TPD52L1: variants seen among roughly 807,000 people sequenced by gnomAD.
The protein encoded by TPD52L1 is TPD52 like 1, also known as tumor protein D53.
TPD52L1 carries 18 observed loss-of-function variants against 28.7 expected under a neutral mutation model. The observed-to-expected ratio is 0.63, with a 90% CI of 0.43 to 0.93. The LOEUF (loss-of-function observed/expected upper bound fraction) is 0.93, where lower values mean the gene tolerates loss of function less well. Ranked by LOEUF, TPD52L1 falls within the 40% of genes least tolerant of loss-of-function variation. The pLI, the probability that TPD52L1 is intolerant of heterozygous loss-of-function variation, is 0.00. For missense variants in TPD52L1, 203 were observed against 254.8 expected (o/e 0.80, Z 1.39); for synonymous variants, 75 against 88.8 (o/e 0.84, Z 0.88).
intron 6 of TPD52L1, among the ~76,000 whole-genome samples, chr6:125,259,722 G>A (rs1368508239): frequency 1.3e-5 from 2 of 152,192 alleles, no homozygotes; most frequent in Non-Finnish European, 2.9e-5. Flanking sequence ...AAAGAAAAGG[G>A]GGGCAAGTTG....
intron 3 of TPD52L1, among the ~76,000 whole-genome samples, chr6:125,241,747 T>C (rs1257928285): frequency 6.6e-6 from 1 of 152,090 alleles, no homozygotes; most frequent in Admixed American, 6.6e-5. Context: ...GGTCTATCAA[T>C]TTTGTTTATC....
intron 6 of TPD52L1, among the ~76,000 whole-genome samples, 198 bp downstream of exon 6, chr6:125,257,356 C>G (rs913190334): frequency 1.3e-5 from 2 of 152,154 alleles, no homozygotes; most frequent in South Asian, 2.1e-4. Flanking sequence ...TTGTATAAAC[C>G]ATTCAGGGGT....
rs139490208 is a variant in TPD52L1 at position 125,194,543 on chromosome 6, C to T, written c.20-25535C>T. 3.2e-3 allele frequency among the ~76,000 whole-genome samples: 481 copies of T among 152,292 alleles called. 1 individual carries two copies. Among genetic ancestry groups the T allele is most frequent in the Non-Finnish European group, 6.0e-3 (410 of 68,028 alleles). On this transcript the variant is annotated intron_variant, in intron 1 of 6. Transcript: ENST00000534000. Reference sequence around the variant, plus strand: ...TATTTCATACTATCCTTAGGTTCCCCTGGAACCCTGACCCCAGGCAATCAA... The same window carrying T: ...TATTTCATACTATCCTTAGGTTCCCTTGGAACCCTGACCCCAGGCAATCAA...
chr6:125,164,507 G>A (rs890407289), intron 1 of TPD52L1, among the ~76,000 whole-genome samples: 1 of 151,998 alleles, frequency 6.6e-6, no homozygotes, highest in Non-Finnish European at 1.5e-5. Flanking sequence ...GTCATCTCAG[G>A]ACTTTAAAAT....
intron 1 of TPD52L1, among the ~76,000 whole-genome samples, chr6:125,163,382 G>A (rs918170192): frequency 3.4e-4 from 51 of 152,198 alleles, no homozygotes; most frequent in African/African-American, 1.1e-3. Flanking sequence ...AGGAGTTCAA[G>A]ACCAGCCCAG....
intron 1 of TPD52L1, among the ~76,000 whole-genome samples, chr6:125,172,157 T>TTTC (rs1554202455): frequency 0.011 from 611 of 53,526 alleles, 1 homozygote; most frequent in Admixed American, 0.017. Flanking sequence ...TCTTTCTTTC[T>TTTC]TTTCTTTCTT....
chr6:125,207,107 T>C (rs1319918005), intron 1 of TPD52L1, among the ~76,000 whole-genome samples: 3 of 152,152 alleles, frequency 2.0e-5, no homozygotes, highest in Non-Finnish European at 2.9e-5. Flanking sequence ...GATCAAGTCC[T>C]ATCAGAAAGA....
intron 1 of TPD52L1, among the ~76,000 whole-genome samples, chr6:125,160,126 A>G (rs1227597511): frequency 1.3e-5 from 2 of 152,032 alleles, no homozygotes; most frequent in Non-Finnish European, 2.9e-5. Flanking sequence ...TTTCTTTACA[A>G]ATTTCCTAGT....
chr6:125,241,004 A>G (rs1028832272), intron 3 of TPD52L1, among the ~76,000 whole-genome samples: 1 of 152,156 alleles, frequency 6.6e-6, no homozygotes, highest in East Asian at 1.9e-4. Context: ...TGTCCCTTCT[A>G]TGCTGATTAT....
intron 1 of TPD52L1, among the ~76,000 whole-genome samples, chr6:125,200,854 T>C (rs146116418): frequency 3.9e-5 from 6 of 152,344 alleles, no homozygotes; most frequent in African/African-American, 1.4e-4. Flanking sequence ...GTTATTTAAG[T>C]GCATATTGTG....
At chr6:125,155,470 C>T (rs476436) in intron 1 of TPD52L1, among the ~76,000 whole-genome samples, 80,786 of 152,056 alleles carry the variant, frequency 0.53, 22,830 homozygotes, top group African/African-American at 0.72. Flanking sequence ...AGACTGGTAA[C>T]CACTGGTGTC....
chr6:125,165,954 C>T (rs1425842258), intron 1 of TPD52L1, among the ~76,000 whole-genome samples: 1 of 152,152 alleles, frequency 6.6e-6, no homozygotes, highest in African/African-American at 2.4e-5. Flanking sequence ...ATAAATAAGT[C>T]ATAGGATCTG....
chr6:125,174,296 A>G (rs1047715670), intron 1 of TPD52L1, among the ~76,000 whole-genome samples: 3 of 152,122 alleles, frequency 2.0e-5, no homozygotes, highest in Non-Finnish European at 4.4e-5. Context: ...TGAGTTTACC[A>G]CCCTATTTTC....
chr6:125,236,878 C>G (rs1198874446), intron 3 of TPD52L1, among the ~76,000 whole-genome samples: 1 of 152,170 alleles, frequency 6.6e-6, no homozygotes, highest in East Asian at 1.9e-4. Flanking sequence ...GGACCTCTGG[C>G]CTTGACTAGA....
intron 1 of TPD52L1, among the ~76,000 whole-genome samples, chr6:125,167,086 G>A (rs967509743): frequency 6.6e-6 from 1 of 152,072 alleles, no homozygotes; most frequent in Non-Finnish European, 1.5e-5. Context: ...GCAAGACCTC[G>A]TCTCTACTAA....
At position 125,153,852 on chromosome 6, in the gene TPD52L1, G is replaced by T; in HGVS notation, c.-100G>T. ...CGACACGCGTGCCAGGAGTGGGAGC[G>T]AGCGGCGGGGCCAGCTGCGTTCTGA... On this transcript the variant is annotated 5_prime_UTR_variant, in exon 1 of 7. Coordinates refer to ENST00000534000, the MANE Select transcript of TPD52L1 (RefSeq NM_003287.4). 1.4e-6 allele frequency: 2 copies of T among 1,386,768 alleles called. No homozygotes were observed. Among genetic ancestry groups the T allele is most frequent in the Admixed American group, 2.3e-5 (1 of 44,006 alleles). The allele number at this position is 1,386,768 out of a possible 1,614,324, so 85.9% of individuals were successfully genotyped here.
intron 3 of TPD52L1, among the ~76,000 whole-genome samples, chr6:125,232,964 G>C (rs1291078228): frequency 1.3e-5 from 2 of 152,116 alleles, no homozygotes; most frequent in Non-Finnish European, 1.5e-5. Flanking sequence ...CATGGGAGAG[G>C]TGGGTGACTT....
chr6:125,229,033 C>T, intron 2 of TPD52L1, 85 bp from the exon 3 acceptor site: 1 of 1,441,482 alleles, frequency 6.9e-7, no homozygotes, highest in East Asian at 2.4e-5. Flanking sequence ...GGGTCAGAGG[C>T]TGCTTTGGAA....
chr6:125,186,629 C>G (rs1329836021), intron 1 of TPD52L1, among the ~76,000 whole-genome samples: 1 of 152,152 alleles, frequency 6.6e-6, no homozygotes, highest in Non-Finnish European at 1.5e-5. Context: ...GTTATGATAA[C>G]TATAAGCGGA....
Sources: allele counts gnomAD v4.1 joint callset (sites outside exome capture counted in the v4.1 genomes callset), GRCh38; gene constraint gnomAD v4.1.1; transcripts MANE v1.5; gene names NCBI Gene and HGNC (gene_info 2026-07-23, HGNC 2026-07-21).